The following TMEM117 variants were observed in gnomAD, a reference collection of about 807,000 sequenced individuals.
TMEM117 encodes transmembrane protein 117.
In TMEM117, 27 loss-of-function variants were observed where a neutral mutation model predicts 52.4. The observed-to-expected ratio is 0.51, with a 90% CI of 0.38 to 0.71. The LOEUF is 0.71. Among genes scored for constraint, TMEM117 ranks in the 30% least tolerant of loss-of-function variants. The probability of loss-of-function intolerance (pLI) is 0.00; values close to 1 mark genes in which losing one functional copy is unlikely to be tolerated. For synonymous variants in TMEM117, 215 were observed against 206.3 expected (o/e 1.04, Z -0.36); for missense variants, 556 against 630.5 (o/e 0.88, Z 1.26).
chr12:44,255,812 T>C (rs1950253768), intron 5 of TMEM117, among the ~76,000 whole-genome samples: 1 of 152,128 alleles, frequency 6.6e-6, no homozygotes, highest in African/African-American at 2.4e-5. Context: ...GCTATACCCT[T>C]TTCTGTGTTT....
At chr12:44,204,714 A>C (rs1433433929) in intron 4 of TMEM117, among the ~76,000 whole-genome samples, 2 of 152,192 alleles carry the variant, frequency 1.3e-5, no homozygotes, top group Non-Finnish European at 2.9e-5. Context: ...TACAGAGACC[A>C]GTGGAACAGG....
chr12:44,290,960 C>T lies in TMEM117; in HGVS notation c.609-8620C>T, dbSNP rs561218540. ...GGCCCTGCTGTACTTTCCCAAGATT[C>T]GTTTGGCTATTCAACATCTTCTATA... On this transcript the variant is annotated intron_variant, in intron 5 of 7. Coordinates refer to ENST00000266534, the MANE Select transcript of TMEM117 (RefSeq NM_032256.3). Among the ~76,000 whole-genome samples the T allele has an allele frequency of 3.9e-5, 6 of 152,240 alleles. No homozygotes were observed. The South Asian group carries it at 8.3e-4, about 21-fold the overall frequency.
intron 5 of TMEM117, among the ~76,000 whole-genome samples, chr12:44,286,289 T>C (rs545733270): frequency 1.3e-5 from 2 of 150,958 alleles, no homozygotes; most frequent in African/African-American, 4.8e-5. Context: ...TGAATAATAG[T>C]TAATGTATTA....
chr12:44,103,828 T>G (rs2138082783), intron 3 of TMEM117, among the ~76,000 whole-genome samples: 1 of 152,218 alleles, frequency 6.6e-6, no homozygotes, highest in East Asian at 1.9e-4. Flanking sequence ...CATCTTTGAC[T>G]TTTTATCTAG....
chr12:43,841,082 T>G (rs1389583226), intron 1 of TMEM117, among the ~76,000 whole-genome samples: 2 of 152,198 alleles, frequency 1.3e-5, no homozygotes, highest in Non-Finnish European at 2.9e-5. Context: ...CAAATTATTA[T>G]GTAAGGGTTT....
intron 4 of TMEM117, among the ~76,000 whole-genome samples, chr12:44,191,891 C>T (rs1592594625): frequency 6.6e-6 from 1 of 151,884 alleles, no homozygotes; most frequent in Non-Finnish European, 1.5e-5. Flanking sequence ...GTCAAAAAAA[C>T]CTTAAATGGG....
chr12:43,799,595 G>T, the TMEM117 span: 15 of 576,432 alleles, frequency 2.6e-5, 1 homozygote, highest in East Asian at 3.6e-4. Context: ...TAACAGAAAA[G>T]ATTTTAAATG....
At chr12:43,884,526 G>A (rs547519869) in intron 2 of TMEM117, among the ~76,000 whole-genome samples, 205 of 152,006 alleles carry the variant, frequency 1.3e-3, no homozygotes, top group Non-Finnish European at 2.7e-3. Flanking sequence ...TTGATGAGGG[G>A]GTTTTGATCC....
At chr12:44,180,626 A>G (rs1949182980) in intron 4 of TMEM117, among the ~76,000 whole-genome samples, 1 of 151,232 alleles carries the variant, frequency 6.6e-6, no homozygotes, top group African/African-American at 2.4e-5. Context: ...TTCTTGTGAT[A>G]GTTTACTGAG....
chr12:44,307,963 G>C (rs576117322), intron 6 of TMEM117, among the ~76,000 whole-genome samples: 10 of 152,292 alleles, frequency 6.6e-5, no homozygotes, highest in Admixed American at 4.6e-4. Context: ...CTAATGGTCT[G>C]GTTAGCATAT....
chr12:44,269,462 C>T (rs1320631778), intron 5 of TMEM117, among the ~76,000 whole-genome samples: 1 of 151,846 alleles, frequency 6.6e-6, no homozygotes, highest in African/African-American at 2.4e-5. Flanking sequence ...CTCTACTGCC[C>T]CTCCCAGACT....
intron 3 of TMEM117, among the ~76,000 whole-genome samples, chr12:43,964,971 T>C (rs1565772482): frequency 6.6e-6 from 1 of 152,242 alleles, no homozygotes; most frequent in Non-Finnish European, 1.5e-5. Flanking sequence ...TAAAATGTTA[T>C]ACCTTCTTAT....
intron 3 of TMEM117, among the ~76,000 whole-genome samples, chr12:44,136,144 T>A (rs1041981587): frequency 2.0e-5 from 3 of 152,198 alleles, no homozygotes; most frequent in African/African-American, 7.2e-5. Flanking sequence ...AAATTAATTA[T>A]GAAATTACTT....
intron 3 of TMEM117, among the ~76,000 whole-genome samples, chr12:44,090,839 G>GTTTTTTTTTTTTTTTTTTT (rs1264179472): frequency 7.6e-5 from 8 of 104,800 alleles, no homozygotes; most frequent in African/African-American, 3.6e-4. Context: ...GTATTTATGT[G>GTTTTTTTTTTTTTTTTTTT]TTTTTTTTTG....
At chr12:43,958,493 T>TA (rs1161174073) in intron 3 of TMEM117, among the ~76,000 whole-genome samples, 18 of 152,224 alleles carry the variant, frequency 1.2e-4, no homozygotes, top group African/African-American at 4.1e-4. Flanking sequence ...GACAAAGTGA[T>TA]ACAGGCAATT....
chr12:44,143,707 T>A (rs535271054), intron 4 of TMEM117, 83 bp downstream of exon 4: 1 of 950,454 alleles, frequency 1.1e-6, no homozygotes, highest in Non-Finnish European at 1.6e-6. Context: ...CTTTTGATGA[T>A]GTAGAGTAAA....
At chr12:44,161,306 T>C (rs1378086717) in intron 4 of TMEM117, among the ~76,000 whole-genome samples, 1 of 152,180 alleles carries the variant, frequency 6.6e-6, no homozygotes, top group Non-Finnish European at 1.5e-5. Context: ...ATGTTGAATT[T>C]GCATACAGTT....
chr12:44,029,424 C>T (rs1946597091), intron 3 of TMEM117, among the ~76,000 whole-genome samples: 1 of 152,176 alleles, frequency 6.6e-6, no homozygotes, highest in Admixed American at 6.5e-5. Flanking sequence ...TGTTCAGGAT[C>T]ATGGGACATG....
intron 5 of TMEM117, among the ~76,000 whole-genome samples, chr12:44,283,066 A>T (rs1440763594): frequency 6.6e-6 from 1 of 152,262 alleles, no homozygotes. Flanking sequence ...GAAGTCAAGA[A>T]TTGAGGTTTG....
Sources: gnomAD v4.1 joint callset for allele counts (sites outside exome capture counted in the v4.1 genomes callset) on GRCh38, gnomAD v4.1.1 for gene constraint, MANE v1.5 for transcripts, NCBI Gene and HGNC (gene_info 2026-07-23, HGNC 2026-07-21) for gene names.